RTTN: variants seen among roughly 807,000 people sequenced by gnomAD.
The protein encoded by RTTN is rotatin.
In RTTN, 182 loss-of-function variants were observed where a neutral mutation model predicts 269.2. The ratio of observed to expected loss-of-function variants is 0.68; its 90% CI spans 0.60 to 0.76. The LOEUF is 0.76. RTTN is among the 30% of genes least tolerant of loss of function. The probability of loss-of-function intolerance (pLI) is 0.00; values close to 1 mark genes in which losing one functional copy is unlikely to be tolerated. For synonymous variants in RTTN, 1,006 were observed against 963.5 expected, an observed-to-expected ratio of 1.04 and a Z score of -0.82; for missense variants, 2,545 against 2,608.6, an observed-to-expected ratio of 0.98 and a Z score of 0.53.
intron 12 of RTTN, among the ~76,000 whole-genome samples, chr18:70,168,333 A>G (rs2061046273): frequency 6.6e-6 from 1 of 152,162 alleles, no homozygotes; most frequent in Non-Finnish European, 1.5e-5. Flanking sequence ...TAAAAGGGAT[A>G]AATACCGACA....
rs193103399 is a variant in RTTN, at chr18:70,127,054, G to A, written c.3383+448C>T. Among the ~76,000 whole-genome samples, 112 of 152,132 alleles carry A rather than the reference G, an allele frequency of 7.4e-4. 1 individual carries two copies. Among genetic ancestry groups the A allele is most frequent in the Non-Finnish European group, 1.3e-3 (88 of 67,988 alleles). On this transcript the variant is annotated intron_variant, in intron 25 of 48. Transcript: ENST00000640769. Reference sequence around the variant, plus strand: ...TCTCAATTAACTGCTATAAAGGACCGCCACATGGCAATCAACTTCATGAAA... The same window carrying A: ...TCTCAATTAACTGCTATAAAGGACCACCACATGGCAATCAACTTCATGAAA...
chr18:70,163,763 C>T (rs761091797), intron 14 of RTTN, among the ~76,000 whole-genome samples: 8 of 152,162 alleles, frequency 5.3e-5, no homozygotes, highest in Non-Finnish European at 8.8e-5. Context: ...AATGCTCCAA[C>T]GTGCATTTCC....
At chr18:70,142,473 A>C in intron 18 of RTTN, 86 bp from the exon 19 acceptor site, 1 of 753,770 alleles carries the variant, frequency 1.3e-6, no homozygotes, top group Non-Finnish European at 2.2e-6. Flanking sequence ...TGCCCTATGA[A>C]CAAAAGCTCA....
intron 26 of RTTN, among the ~76,000 whole-genome samples, chr18:70,120,200 T>C (rs1022830663): frequency 7.6e-6 from 1 of 131,994 alleles, no homozygotes; most frequent in African/African-American, 2.6e-5. Flanking sequence ...TCACCACATA[T>C]ACCCTGCATC....
At chr18:70,200,226 C>T (rs1454059692) in intron 4 of RTTN, among the ~76,000 whole-genome samples, 1 of 152,180 alleles carries the variant, frequency 6.6e-6, no homozygotes, top group Non-Finnish European at 1.5e-5. Flanking sequence ...AATTCCCAAA[C>T]ATAGCACAGT....
In RTTN at chr18:70,028,758, A is replaced by C. The variant is rs2145578718; in HGVS notation, c.5789T>G (p.Leu1930Arg). 1 of 1,612,112 alleles carries C rather than the reference A, an allele frequency of 6.2e-7. No individual in the cohort carries two copies. Among genetic ancestry groups the C allele is most frequent in the Non-Finnish European group, 8.5e-7 (1 of 1,178,922 alleles). The change falls in exon 43 of 49, where the codon CTA becomes CGA. Residue 1930 changes from leucine to arginine, a missense_variant. Physicochemically the swap from Leu to Arg is moderately radical, Grantham distance 102. Coordinates refer to ENST00000640769, the MANE Select transcript of RTTN (RefSeq NM_173630.4). ...CTCATTTTGATAAAGACAGTTTCTT[A>C]GGAGCTGCATGGCAATGCTTAACTC... is the stretch of plus-strand genomic sequence containing the variant. ...IKELSIAMQL[L>R]RNCLYQNEEC...
At chr18:70,166,727 T>C (rs1280223406) in intron 13 of RTTN, 192 bp downstream of exon 13, 4 of 441,730 alleles carry the variant, frequency 9.1e-6, no homozygotes, top group Non-Finnish European at 1.6e-5. Context: ...TGAAGTTTAA[T>C]CTTGAATATA....
intron 27 of RTTN, among the ~76,000 whole-genome samples, chr18:70,112,619 A>G (rs2059501291): frequency 6.6e-6 from 1 of 152,184 alleles, no homozygotes; most frequent in African/African-American, 2.4e-5. Flanking sequence ...AGAGCTAACT[A>G]TCCTAAATAT....
At chr18:70,192,247 A>G (rs2061688735) in intron 8 of RTTN, among the ~76,000 whole-genome samples, 1 of 152,200 alleles carries the variant, frequency 6.6e-6, no homozygotes, top group Non-Finnish European at 1.5e-5. Flanking sequence ...CAACAGACCA[A>G]TGCTTAACTT....
At chr18:70,125,321 A>C (rs1394819529) in intron 25 of RTTN, among the ~76,000 whole-genome samples, 4 of 151,990 alleles carry the variant, frequency 2.6e-5, no homozygotes, top group African/African-American at 9.7e-5. Context: ...TTTTAGTAAA[A>C]AATTAAATAT....
chr18:70,061,192 C>T, intron 35 of RTTN: 1 of 332,372 alleles, frequency 3.0e-6, no homozygotes, highest in South Asian at 2.4e-5. Context: ...ACAGTGGTTC[C>T]CAACAACACT....
chr18:70,136,146 A>G (rs1490665588), intron 21 of RTTN, among the ~76,000 whole-genome samples: 4 of 152,192 alleles, frequency 2.6e-5, no homozygotes, highest in Non-Finnish European at 5.9e-5. Flanking sequence ...AACAGAGAAC[A>G]TGTAAAAATT....
chr18:70,075,350 A>G lies in RTTN; in HGVS notation c.4564+2T>C, dbSNP rs967089787. On this transcript the variant is annotated splice_donor_variant, in intron 33 of 48. Transcript: ENST00000640769. LOFTEE classifies it high-confidence loss of function. ...ATAAAAATACAAAGATATCGTACTT[A>G]CCATTTAAATCATTGCTTTCTGAAT... is the stretch of plus-strand genomic sequence containing the variant. 1.3e-6 allele frequency: 2 copies of G among 1,550,496 alleles called. No homozygotes were observed. Among genetic ancestry groups the G allele is most frequent in the African/African-American group, 2.8e-5 (2 of 71,634 alleles).
chr18:70,109,471 T>C (rs1207298241), intron 28 of RTTN, 27 bp downstream of exon 28: 1 of 1,580,370 alleles, frequency 6.3e-7, no homozygotes, highest in Non-Finnish European at 8.7e-7. Context: ...TAATAGTAAA[T>C]AACTACCATA....
At chr18:70,121,787 T>C in intron 25 of RTTN, 87 bp from the exon 26 acceptor site, 1 of 1,264,344 alleles carries the variant, frequency 7.9e-7, no homozygotes, top group Non-Finnish European at 1.1e-6. Context: ...ACTTAACAGA[T>C]GTCTTGTGAG....
At chr18:70,072,376 A>G (rs1292451994) in intron 34 of RTTN, among the ~76,000 whole-genome samples, 1 of 152,170 alleles carries the variant, frequency 6.6e-6, no homozygotes, top group Non-Finnish European at 1.5e-5. Flanking sequence ...AGTCTGTGTT[A>G]CATTCAAACA....
intron 32 of RTTN, among the ~76,000 whole-genome samples, chr18:70,081,971 G>C (rs2058580467): frequency 6.6e-6 from 1 of 152,156 alleles, no homozygotes; most frequent in African/African-American, 2.4e-5. Context: ...ACACTAGACA[G>C]AGCTGAAGTA....
rs1448771745 is a variant in RTTN, at chr18:70,199,513, G to GA, written c.488-10dup. 2 of 1,569,166 alleles carry GA rather than the reference G, an allele frequency of 1.3e-6. No individual in the cohort carries two copies. On this transcript the variant is annotated splice_polypyrimidine_tract_variant and intron_variant, in intron 4 of 48. Transcript: ENST00000640769. Reference sequence around the variant, plus strand: ...CTTCACAGTCTGATTTACTGTCAGTGAAAGAGCAAATCTTATGGTATCAAA... The same window carrying GA: ...CTTCACAGTCTGATTTACTGTCAGTGAAAAGAGCAAATCTTATGGTATCAAA...
chr18:70,108,418 A>G (rs963598879), intron 28 of RTTN, among the ~76,000 whole-genome samples: 11 of 152,240 alleles, frequency 7.2e-5, no homozygotes, highest in African/African-American at 2.7e-4. Context: ...TCCAAAAAAG[A>G]AAGTTATATA....
Sources: allele counts gnomAD v4.1 joint callset (sites outside exome capture counted in the v4.1 genomes callset), GRCh38; gene constraint gnomAD v4.1.1; transcripts MANE v1.5; gene names NCBI Gene and HGNC (gene_info 2026-07-23, HGNC 2026-07-21).